Variants in ZNF451 observed in about 807,000 individuals in gnomAD.
ZNF451 encodes the protein zinc finger protein 451.
A neutral mutation model predicts 107.1 loss-of-function variants in ZNF451; 80 were observed. The ratio of observed to expected loss-of-function variants is 0.75; its 90% confidence interval spans 0.62 to 0.90. The LOEUF (loss-of-function observed/expected upper bound fraction) is 0.90, where lower values mean the gene tolerates loss of function less well. Ranked by LOEUF, ZNF451 falls within the 40% of genes least tolerant of loss-of-function variation. The pLI is 0.00. For missense variants in ZNF451, 1,107 were observed against 1,236.2 expected, an observed-to-expected ratio of 0.90 and a Z score of 1.57; for synonymous variants, 362 against 406.5, an observed-to-expected ratio of 0.89 and a Z score of 1.32.
At chr6:57,100,351 T>C (rs1829535569) in intron 3 of ZNF451, among the ~76,000 whole-genome samples, 2 of 152,176 alleles carry the variant, frequency 1.3e-5, no homozygotes, top group Admixed American at 6.5e-5. Flanking sequence ...TTTTACTCTC[T>C]CCTTTTTCAT....
chr6:57,147,830 C>G lies in ZNF451; in HGVS notation c.1745C>G (p.Thr582Ser), dbSNP rs1443904280. The G allele has an allele frequency of 6.2e-7, 1 of 1,613,966 alleles. No individual in the cohort carries two copies. Among genetic ancestry groups the G allele is most frequent in the African/African-American group, 1.3e-5 (1 of 74,922 alleles). Residue 582 changes from threonine (T) to serine (S), a missense_variant, in exon 10 of 15, where the codon ACT becomes AGT. Physicochemically the swap from Thr to Ser is moderately conservative, Grantham distance 58 (BLOSUM62 1). Transcript: ENST00000370706. ...TCCTCTACAACATTGGATAATTTGACTGCTAACAAGCCTTCATCAGCTATT... is the reference window on the plus strand; with the variant it reads ...TCCTCTACAACATTGGATAATTTGAGTGCTAACAAGCCTTCATCAGCTATT... ...PSSSTTLDNL[T>S]ANKPSSAITV... is the part of the protein sequence containing the mutation.
At chr6:57,107,515 A>G (rs1232513172) in intron 3 of ZNF451, 1 of 984,486 alleles carries the variant, frequency 1.0e-6, no homozygotes, top group Admixed American at 6.2e-5. Context: ...CTACATGTTC[A>G]CACAAGTTTA....
intron 6 of ZNF451, 53 bp downstream of exon 6, chr6:57,133,245 T>C (rs1380805181): frequency 6.5e-7 from 1 of 1,537,272 alleles, no homozygotes; most frequent in African/African-American, 1.4e-5. Flanking sequence ...AGCTACCAAG[T>C]GATTTCATAA....
At chr6:57,119,791 C>G (rs1287544649) in intron 3 of ZNF451, among the ~76,000 whole-genome samples, 1 of 151,450 alleles carries the variant, frequency 6.6e-6, no homozygotes, top group African/African-American at 2.4e-5. Context: ...GATATACTTT[C>G]TATTTCTTTC....
rs548160107 is a variant in ZNF451 at position 57,095,624 on chromosome 6, C to T, written c.106-3437C>T. Among the ~76,000 whole-genome samples the T allele has an allele frequency of 1.4e-4, 21 of 151,720 alleles. No individual in the cohort carries two copies. In the South Asian group the frequency reaches 2.9e-3, roughly 21 times the overall value. On this transcript the variant is annotated intron_variant, in intron 2 of 14. Transcript: ENST00000370706. The stretch of plus-strand genomic sequence containing the variant: ...CTGGGATTATAGGCGTGATCTACCA[C>T]GCTCGTCTGGATTTTCTATCCATAT...
chr6:57,127,909 C>T (rs1410744218), intron 4 of ZNF451, among the ~76,000 whole-genome samples: 2 of 152,094 alleles, frequency 1.3e-5, no homozygotes, highest in African/African-American at 4.8e-5. Flanking sequence ...CATTGGCCTG[C>T]TGCCTGCTAT....
chr6:57,108,456 AAC>A, intron 3 of ZNF451: 1 of 985,438 alleles, frequency 1.0e-6, no homozygotes, highest in Non-Finnish European at 1.2e-6. Context: ...TTGGTGAGGT[AAC>A]AGTGATGTGG....
At position 57,101,250 on chromosome 6, in the gene ZNF451, T is replaced by C. The variant is rs1039835999; in HGVS notation, c.186+2109T>C. On this transcript the variant is annotated intron_variant, in intron 3 of 14. Coordinates refer to ENST00000370706, the MANE Select transcript of ZNF451 (RefSeq NM_001031623.3). The stretch of plus-strand genomic sequence containing the variant: ...TTATAAAAAGGGTGACATTACAATC[T>C]GAAGCGGAGTCATGTGAAGGGAAAC... The C allele has an allele frequency of 1.9e-5, 30 of 1,550,996 alleles. No homozygotes were observed. The East Asian group carries it at 7.3e-4, about 38-fold the overall frequency.
At chr6:57,165,157 CTTG>C (rs1373063933) in intron 14 of ZNF451, 6 of 152,216 alleles carry the variant, frequency 3.9e-5, no homozygotes, top group Admixed American at 6.5e-5. Flanking sequence ...TTGTTTCTCT[CTTG>C]TTGTTTTCAT....
intron 2 of ZNF451, among the ~76,000 whole-genome samples, chr6:57,096,336 C>G (rs957854826): frequency 4.0e-5 from 6 of 151,562 alleles, no homozygotes; most frequent in Admixed American, 6.6e-5. Flanking sequence ...AGGCGCCCAC[C>G]ACCATGCCTG....
chr6:57,091,948 T>A (rs1322678100), intron 2 of ZNF451, among the ~76,000 whole-genome samples: 1 of 152,250 alleles, frequency 6.6e-6, no homozygotes, highest in African/African-American at 2.4e-5. Context: ...TGAATTTCTT[T>A]CCCTTTACCA....
intron 7 of ZNF451, among the ~76,000 whole-genome samples, chr6:57,138,704 CATATAT>C (rs60629541): frequency 0.078 from 3,416 of 43,632 alleles, 182 homozygotes; most frequent in African/African-American, 0.16. Flanking sequence ...GCAGCTATGC[CATATAT>C]ATATATATAT....
Position 57,169,173 on chromosome 6 carries a change from C to G in ZNF451, c.*704C>G, listed in dbSNP as rs1024487489. On this transcript the variant is annotated 3_prime_UTR_variant, in exon 15 of 15. Coordinates refer to ENST00000370706, the MANE Select transcript of ZNF451 (RefSeq NM_001031623.3). ...GACTTTTATGTGACTTGTATGGTCT[C>G]CTGGTTAAAGGGAATGGTGTCAGAA... The G allele has an allele frequency of 6.6e-6, 1 of 151,928 alleles. No individual in the cohort carries two copies. The highest frequency in any genetic ancestry group is 1.5e-5 in the Non-Finnish European group (1 of 67,918). The allele number at this position is 151,928 out of a possible 1,614,324, so 9.4% of individuals were successfully genotyped here. A position where few individuals can be genotyped will look rare whatever the true frequency, so the allele number is the denominator to read the frequency against.
rs891858386 is a variant in ZNF451 at position 57,106,555 on chromosome 6, C to T, written c.186+7414C>T. ...TCCTGACCTCAAGTGATCCGCCCGCCTTGGCCTCCCAAAGTGCTGGGATTA... is the reference window on the plus strand; with the variant it reads ...TCCTGACCTCAAGTGATCCGCCCGCTTTGGCCTCCCAAAGTGCTGGGATTA... On this transcript the variant is annotated intron_variant, in intron 3 of 14. Transcript: ENST00000370706. 10 of 960,332 alleles carry T rather than the reference C, an allele frequency of 1.0e-5. No homozygotes were observed. In the African/African-American group the frequency reaches 1.6e-4, roughly 15 times the overall value. The allele number at this position is 960,332 out of a possible 1,614,324, so 59.5% of individuals were successfully genotyped here.
chr6:57,133,057 C>T lies in ZNF451; in HGVS notation c.440C>T (p.Thr147Ile). 2.5e-6 allele frequency: 4 copies of T among 1,614,068 alleles called. No homozygotes were observed. The highest frequency in any genetic ancestry group is 2.5e-6 in the Non-Finnish European group (3 of 1,179,972). The change falls in exon 6 of 15, where the codon ACA becomes ATA. Residue 147 changes from threonine to isoleucine, a missense_variant. Around this residue, in one of 5 missense-constraint regions of ZNF451, gnomAD observed 339 missense variants for 372.8 expected, o/e 0.91. Coordinates refer to ENST00000370706, the MANE Select transcript of ZNF451 (RefSeq NM_001031623.3). ...GATGATGCAGGACTCAAAACAGGCA[C>T]AATTAATTGTGGAACAAAAAGTTCA... Reference protein sequence around the residue: ...WLKMPGLKTGTINCGTKSSFR... With the variant: ...WLKMPGLKTGIINCGTKSSFR...
intron 5 of ZNF451, 64 bp from the exon 6 acceptor site, chr6:57,132,978 A>C (rs1249473295): frequency 1.3e-5 from 21 of 1,556,484 alleles, no homozygotes; most frequent in Non-Finnish European, 1.6e-5. Context: ...CCTAATTTTG[A>C]TCACTAGCCC....
chr6:57,154,072 A>C, intron 13 of ZNF451, 25 bp downstream of exon 13: 1 of 1,613,280 alleles, frequency 6.2e-7, no homozygotes, highest in Non-Finnish European at 8.5e-7. Flanking sequence ...TCACAGTGCA[A>C]ACCACCCAAG....
At chr6:57,128,578 A>C in intron 4 of ZNF451, 151 bp from the exon 5 acceptor site, 1 of 602,304 alleles carries the variant, frequency 1.7e-6, no homozygotes. Context: ...GTGCATTTTT[A>C]TTTTGATGTA....
chr6:57,168,420 C>T lies in ZNF451; in HGVS notation c.3140-3C>T. 1 of 1,599,662 alleles carries T rather than the reference C, an allele frequency of 6.3e-7. No individual in the cohort carries two copies. Among genetic ancestry groups the T allele is most frequent in the Non-Finnish European group, 8.5e-7 (1 of 1,170,740 alleles). On this transcript the variant is annotated splice_polypyrimidine_tract_variant and splice_region_variant and intron_variant, in intron 14 of 14. Coordinates refer to ENST00000370706, the MANE Select transcript of ZNF451 (RefSeq NM_001031623.3). ...TGTTAAAATTCTATGTTTTTTAATG[C>T]AGATGTGGAATTAGAAGAAGCTATT...
Sources: allele counts gnomAD v4.1 joint callset (sites outside exome capture counted in the v4.1 genomes callset), GRCh38; gene constraint gnomAD v4.1.1; regional missense constraint gnomAD v4.1.1; transcripts MANE v1.5; gene names NCBI Gene and HGNC (gene_info 2026-07-23, HGNC 2026-07-21).